The following HYDIN variants were observed in gnomAD, a reference collection of about 807,000 sequenced individuals.
HYDIN encodes the protein axonemal central pair apparatus protein HYDIN.
In HYDIN, 132 loss-of-function variants were observed where a neutral mutation model predicts 403.9. The observed-to-expected ratio is 0.33, with a 90% CI of 0.28 to 0.38. HYDIN has a LOEUF of 0.38. HYDIN is among the 10% of genes least tolerant of loss of function. The pLI is 1.00. For synonymous variants in HYDIN, 1,202 were observed against 1,891.7 expected, an observed-to-expected ratio of 0.64 and a Z score of 9.46; for missense variants, 2,827 against 5,009.5, an observed-to-expected ratio of 0.56 and a Z score of 13.15.
chr16:70,862,304 C>T (rs1281004541), intron 68 of HYDIN, 49 bp from the exon 69 acceptor site: 3 of 1,252,766 alleles, frequency 2.4e-6, no homozygotes, highest in East Asian at 2.4e-5. Flanking sequence ...CAGTGAGAGG[C>T]AGGTGGAAGG....
At chr16:70,838,379 C>T (rs1296487754) in intron 76 of HYDIN, among the ~76,000 whole-genome samples, 1 of 152,012 alleles carries the variant, frequency 6.6e-6, no homozygotes, top group Non-Finnish European at 1.5e-5. Context: ...TTAGTAGATG[C>T]AGGGTTTCAC....
chr16:70,902,085 A>G (rs1329277421), intron 52 of HYDIN, among the ~76,000 whole-genome samples: 1 of 150,836 alleles, frequency 6.6e-6, no homozygotes, highest in Admixed American at 6.6e-5. Context: ...CCTTTAGCAC[A>G]TTAAAAATGC....
At chr16:70,862,310 G>A (rs2039466473) in intron 68 of HYDIN, 55 bp from the exon 69 acceptor site, 2 of 1,141,220 alleles carry the variant, frequency 1.8e-6, no homozygotes, top group Middle Eastern at 3.0e-4. Flanking sequence ...GAGGCAGGTG[G>A]AAGGGAGCCC....
At chr16:70,847,923 T>C (rs1252526697) in intron 75 of HYDIN, among the ~76,000 whole-genome samples, 1 of 150,844 alleles carries the variant, frequency 6.6e-6, no homozygotes, top group Non-Finnish European at 1.5e-5. Flanking sequence ...TATTTTGCTA[T>C]GCTTGATAAT....
chr16:71,072,485 T>C (rs2082497892), intron 13 of HYDIN, among the ~76,000 whole-genome samples: 1 of 152,210 alleles, frequency 6.6e-6, no homozygotes, highest in Non-Finnish European at 1.5e-5. Context: ...ACCTGGGGAA[T>C]GTTACCTTAC....
chr16:71,108,777 G>A (rs1306557549), intron 10 of HYDIN, among the ~76,000 whole-genome samples: 2 of 151,624 alleles, frequency 1.3e-5, no homozygotes, highest in East Asian at 1.9e-4. Context: ...GTCTCACTGG[G>A]CTAAAATCAA....
chr16:71,065,456 G>A (rs1472689544), intron 15 of HYDIN, among the ~76,000 whole-genome samples: 6 of 151,966 alleles, frequency 3.9e-5, no homozygotes, highest in African/African-American at 1.4e-4. Context: ...GAAGCCCTGT[G>A]TTTACCATTG....
intron 85 of HYDIN, among the ~76,000 whole-genome samples, chr16:70,808,486 T>C (rs1164425005): frequency 2.0e-5 from 3 of 152,132 alleles, no homozygotes; most frequent in Non-Finnish European, 4.4e-5. Context: ...ATTGCCAATT[T>C]AACTCCTGTC....
At chr16:71,039,169 C>T (rs1354680770) in intron 18 of HYDIN, among the ~76,000 whole-genome samples, 1 of 151,516 alleles carries the variant, frequency 6.6e-6, no homozygotes, top group Non-Finnish European at 1.5e-5. Flanking sequence ...AGCCAAGTGA[C>T]CTTGCACTAA....
chr16:71,194,137 G>A (rs1177027493), intron 1 of HYDIN, among the ~76,000 whole-genome samples: 1 of 152,222 alleles, frequency 6.6e-6, no homozygotes, highest in Non-Finnish European at 1.5e-5. Flanking sequence ...TTTGGGCCGG[G>A]TGCAGTGGCT....
At chr16:71,031,358 G>A in intron 19 of HYDIN, 1 of 943,504 alleles carries the variant, frequency 1.1e-6, no homozygotes, top group Non-Finnish European at 1.4e-6. Flanking sequence ...ACAGTGTATT[G>A]GAATCAAAGA....
At chr16:71,192,206 A>G (rs2087471251) in intron 1 of HYDIN, among the ~76,000 whole-genome samples, 1 of 151,640 alleles carries the variant, frequency 6.6e-6, no homozygotes, top group African/African-American at 2.4e-5. Context: ...CTTGCTTGTG[A>G]CTCTACCTCC....
At position 71,220,544 on chromosome 16, in the gene HYDIN, C is replaced by T. The variant is rs75421124; in HGVS notation, c.-24+10018G>A. Among the ~76,000 whole-genome samples the T allele has an allele frequency of 8.5e-3, 1,292 of 152,304 alleles. 18 individuals carry two copies. The highest frequency in any genetic ancestry group is 0.03 in the African/African-American group (1,228 of 41,568). On this transcript the variant is annotated intron_variant, in intron 1 of 85. Coordinates refer to ENST00000393567, the MANE Select transcript of HYDIN (RefSeq NM_001270974.2). ...AGAAAATATTTAAGTCACTAGTCTG[C>T]ATGTATATATTCTTCAGCTGGCATT... is the stretch of plus-strand genomic sequence containing the variant.
chr16:71,168,040 G>C (rs1040974302), intron 5 of HYDIN, among the ~76,000 whole-genome samples: 3 of 151,928 alleles, frequency 2.0e-5, no homozygotes, highest in Non-Finnish European at 4.4e-5. Context: ...ACATCCGGCT[G>C]GGCACAGTGG....
rs955857023 is a variant in HYDIN at position 70,805,589 on chromosome 16, G to A, written c.*1991C>T. ...AGTAAGCCCTCCAGGGGATGCTGAT[G>A]TATACTAATATTTCAGAAGCACTGA... On this transcript the variant is annotated 3_prime_UTR_variant, in exon 86 of 86. Coordinates refer to ENST00000393567, the MANE Select transcript of HYDIN (RefSeq NM_001270974.2). Among the ~76,000 whole-genome samples, 1 of 152,252 alleles carries A rather than the reference G, an allele frequency of 6.6e-6. No homozygotes were observed. Among genetic ancestry groups the A allele is most frequent in the Non-Finnish European group, 1.5e-5 (1 of 68,046 alleles).
At chr16:70,838,391 A>G (rs1373096467) in intron 76 of HYDIN, among the ~76,000 whole-genome samples, 1 of 152,018 alleles carries the variant, frequency 6.6e-6, no homozygotes, top group Non-Finnish European at 1.5e-5. Flanking sequence ...GGGTTTCACC[A>G]TGTTGGCCAG....
chr16:71,107,581 T>C (rs2083664437), intron 10 of HYDIN, among the ~76,000 whole-genome samples: 1 of 152,054 alleles, frequency 6.6e-6, no homozygotes, highest in East Asian at 1.9e-4. Flanking sequence ...AAGCTCAATA[T>C]CACTGATCAT....
intron 1 of HYDIN, among the ~76,000 whole-genome samples, chr16:71,214,415 G>A (rs192295829): frequency 1.2e-4 from 19 of 152,248 alleles, no homozygotes; most frequent in Admixed American, 1.2e-3. Flanking sequence ...AGATTTTTAT[G>A]AGAATGAAAA....
intron 3 of HYDIN, among the ~76,000 whole-genome samples, chr16:71,180,336 A>G (rs1428434367): frequency 6.6e-6 from 1 of 152,132 alleles, no homozygotes; most frequent in Non-Finnish European, 1.5e-5. Flanking sequence ...GAACATCTGA[A>G]TAGTTCTAAA....
Sources: gnomAD v4.1 joint callset for allele counts (sites outside exome capture counted in the v4.1 genomes callset) on GRCh38, gnomAD v4.1.1 for gene constraint, MANE v1.5 for transcripts, NCBI Gene and HGNC (gene_info 2026-07-23, HGNC 2026-07-21) for gene names.